TUBA3D: variants seen among roughly 807,000 people sequenced by gnomAD.
TUBA3D encodes tubulin alpha-3D chain.
A neutral mutation model predicts 36.1 loss-of-function variants in TUBA3D; 24 were observed. The ratio of observed to expected loss-of-function variants is 0.66; its 90% confidence interval spans 0.48 to 0.93. The LOEUF (loss-of-function observed/expected upper bound fraction) is 0.93. TUBA3D is among the 40% of genes least tolerant of loss of function. The pLI, the probability that TUBA3D is intolerant of heterozygous loss-of-function variation, is 0.00. For synonymous variants in TUBA3D, 185 were observed against 247.2 expected (o/e 0.75, Z 2.36); for missense variants, 356 against 614.5 (o/e 0.58, Z 4.45).
intron 4 of TUBA3D, among the ~76,000 whole-genome samples, chr2:131,481,819 G>A (rs1340012758): frequency 2.0e-5 from 3 of 152,204 alleles, no homozygotes; most frequent in African/African-American, 4.8e-5. Context: ...CTGCCCACCT[G>A]TCTCCCAAAG....
At chr2:131,482,298 G>A (rs1678889904) in intron 4 of TUBA3D, among the ~76,000 whole-genome samples, 1 of 152,190 alleles carries the variant, frequency 6.6e-6, no homozygotes, top group African/African-American at 2.4e-5. Context: ...CCTATCACAT[G>A]TCACAGGTAC....
intron 1 of TUBA3D, 90 bp from the exon 2 acceptor site, chr2:131,478,074 A>G: frequency 2.6e-6 from 4 of 1,513,604 alleles, no homozygotes; most frequent in Non-Finnish European, 3.6e-6. Context: ...CTGAAGCAGT[A>G]TATAAATATT....
intron 1 of TUBA3D, among the ~76,000 whole-genome samples, chr2:131,477,238 A>T (rs1445607049): frequency 6.6e-6 from 1 of 151,436 alleles, no homozygotes; most frequent in Non-Finnish European, 1.5e-5. Flanking sequence ...GGGACTCACT[A>T]TGTTACCCAG....
At chr2:131,478,416 T>C (rs1678745671) in intron 2 of TUBA3D, 30 bp downstream of exon 2, 1 of 1,579,928 alleles carries the variant, frequency 6.3e-7, no homozygotes, top group Admixed American at 1.7e-5. Context: ...ATGGCAGCTT[T>C]CCTGAGAGGG....
At chr2:131,477,037 C>CTTTTTTTTTT (rs1229461335) in intron 1 of TUBA3D, among the ~76,000 whole-genome samples, 36 of 108,684 alleles carry the variant, frequency 3.3e-4, no homozygotes, top group African/African-American at 2.4e-3. Flanking sequence ...CTTTTTCTTT[C>CTTTTTTTTTT]TTTTTTTTTT....
chr2:131,482,575 C>T lies in TUBA3D; in HGVS notation c.1080C>T (p.Pro360=), dbSNP rs748910733. The T allele has an allele frequency of 1.9e-6, 3 of 1,610,536 alleles. No homozygotes were observed. Among genetic ancestry groups the T allele is most frequent in the South Asian group, 1.1e-5 (1 of 90,760 alleles). ...GFKVGINYQP[P]TVVPGGDLAK... ...AGGTGGGCATTAACTACCAGCCCCC[C>T]ACAGTGGTCCCCGGGGGAGACCTGG... The change falls in exon 5 of 5, where the codon CCC becomes CCT. Residue 360 remains proline (P), a synonymous_variant. Coordinates refer to ENST00000321253, the MANE Select transcript of TUBA3D (RefSeq NM_080386.4).
intron 4 of TUBA3D, among the ~76,000 whole-genome samples, chr2:131,481,056 A>G (rs1559350768): frequency 6.6e-6 from 1 of 152,006 alleles, no homozygotes; most frequent in South Asian, 2.1e-4. Flanking sequence ...GGTACCCGCT[A>G]CCACGCCCGG....
chr2:131,479,429 C>T lies in TUBA3D; in HGVS notation c.348C>T (p.Asp116=). The T allele has an allele frequency of 3.7e-6, 6 of 1,614,132 alleles. No homozygotes were observed. The highest frequency in any genetic ancestry group is 5.1e-6 in the Non-Finnish European group (6 of 1,180,038). The change falls in exon 3 of 5, where the codon GAC becomes GAT. Residue 116 remains aspartate (D), a synonymous_variant. Transcript: ENST00000321253. ...ACACCATCGGCAAGGAGATTGTTGA[C>T]CTAGTCCTGGACCGGATCCGCAAAC... The part of the protein sequence containing the change: ...GHYTIGKEIV[D]LVLDRIRKLA...
chr2:131,481,649 G>T (rs1559351287), intron 4 of TUBA3D, among the ~76,000 whole-genome samples: 1 of 151,998 alleles, frequency 6.6e-6, no homozygotes, highest in Non-Finnish European at 1.5e-5. Flanking sequence ...TGGCCAGGCT[G>T]GTCTCGAACT....
chr2:131,478,687 G>A (rs1559347432), intron 2 of TUBA3D: 3 of 514,196 alleles, frequency 5.8e-6, no homozygotes, highest in Non-Finnish European at 3.4e-6. Flanking sequence ...GCAGGGTGCA[G>A]TGGCATTGGT....
intron 2 of TUBA3D, 54 bp from the exon 3 acceptor site, chr2:131,479,254 A>G (rs1367850120): frequency 6.9e-5 from 110 of 1,589,914 alleles, no homozygotes; most frequent in Non-Finnish European, 9.3e-5. Context: ...GAATGTGTCC[A>G]TCTTGGTGAG....
In TUBA3D at chr2:131,482,762, G is replaced by C. The variant is rs755407175; in HGVS notation, c.1267G>C (p.Glu423Gln). The part of the protein sequence containing the change: ...MEEGEFSEAR[E>Q]DLAALEKDYE... Reference sequence around the variant, plus strand: ...AGAGGGAGAGTTCTCTGAGGCCCGCGAGGACCTGGCAGCTCTAGAGAAGGA... The same window carrying C: ...AGAGGGAGAGTTCTCTGAGGCCCGCCAGGACCTGGCAGCTCTAGAGAAGGA... The change falls in exon 5 of 5, where the codon GAG becomes CAG. Residue 423 changes from glutamate (E) to glutamine (Q), a missense_variant. Physicochemically the swap from Glu to Gln is conservative, Grantham distance 29. Around this residue, in one of 3 missense-constraint regions of TUBA3D, gnomAD observed 156 missense variants for 219.8 expected, o/e 0.71. Transcript: ENST00000321253. The C allele has an allele frequency of 6.2e-7, 1 of 1,614,208 alleles. No homozygotes were observed. The highest frequency in any genetic ancestry group is 1.1e-5 in the South Asian group (1 of 91,088).
chr2:131,482,481 G>A (rs1411348539), intron 4 of TUBA3D, 71 bp from the exon 5 acceptor site: 1 of 1,535,380 alleles, frequency 6.5e-7, no homozygotes, highest in Non-Finnish European at 8.8e-7. Context: ...TCTTCTGTTT[G>A]AGGAAAAGTA....
At chr2:131,478,753 A>G (rs1371635461) in intron 2 of TUBA3D, 2 of 314,396 alleles carry the variant, frequency 6.4e-6, no homozygotes, top group East Asian at 1.4e-4. Context: ...CTTGACCTGC[A>G]TCTTAGGCAT....
rs1167376558 is a variant in TUBA3D at position 131,478,344 on chromosome 2, G to A, written c.184G>A (p.Val62Met). ...CAGTGAGACTGGAGCTGGCAAGCAC[G>A]TGCCCAGAGCAGTGTTTGTGGACCT... ...FFSETGAGKH[V>M]PRAVFVDLEP... Residue 62 changes from valine (V) to methionine (M), a missense_variant, in exon 2 of 5, where the codon GTG becomes ATG. By Grantham distance (21) the Val-to-Met change is conservative. Transcript: ENST00000321253. 6.2e-7 allele frequency: 1 copy of A among 1,613,960 alleles called. No homozygotes were observed. Among genetic ancestry groups the A allele is most frequent in the Non-Finnish European group, 8.5e-7 (1 of 1,179,854 alleles).
In TUBA3D at chr2:131,479,430, C is replaced by T. The variant is rs758034894; in HGVS notation, c.349C>T (p.Leu117=). The change falls in exon 3 of 5, where the codon CTA becomes TTA. Residue 117 remains leucine, a synonymous_variant. Coordinates refer to ENST00000321253, the MANE Select transcript of TUBA3D (RefSeq NM_080386.4). ...HYTIGKEIVD[L]VLDRIRKLAD... Reference sequence around the variant, plus strand: ...CACCATCGGCAAGGAGATTGTTGACCTAGTCCTGGACCGGATCCGCAAACT... The same window carrying T: ...CACCATCGGCAAGGAGATTGTTGACTTAGTCCTGGACCGGATCCGCAAACT... 127 of 1,614,036 alleles carry T rather than the reference C, an allele frequency of 7.9e-5. 4 individuals are homozygous for T. In the South Asian group the frequency reaches 1.4e-3, roughly 17 times the overall value.
chr2:131,478,152 T>C lies in TUBA3D; in HGVS notation c.4-12T>C. ...GAAATGAATGGGTTCACTTTTATGT[T>C]CCTGTTCACAGCGCGAGTGTATCTC... On this transcript the variant is annotated splice_polypyrimidine_tract_variant and intron_variant, in intron 1 of 4. Coordinates refer to ENST00000321253, the MANE Select transcript of TUBA3D (RefSeq NM_080386.4). 1 of 1,610,398 alleles carries C rather than the reference T, an allele frequency of 6.2e-7. No individual in the cohort carries two copies. Among genetic ancestry groups the C allele is most frequent in the Middle Eastern group, 1.7e-4 (1 of 6,048 alleles).
At chr2:131,477,507 G>A (rs1678713807) in intron 1 of TUBA3D, among the ~76,000 whole-genome samples, 1 of 151,958 alleles carries the variant, frequency 6.6e-6, no homozygotes, top group Non-Finnish European at 1.5e-5. Context: ...AGGGATTCAG[G>A]TCACCCACAG....
In TUBA3D at chr2:131,478,335, G is replaced by A. The variant is rs534432356; in HGVS notation, c.175G>A (p.Gly59Ser). ...CACGTTCTTCAGTGAGACTGGAGCT[G>A]GCAAGCACGTGCCCAGAGCAGTGTT... is the stretch of plus-strand genomic sequence containing the variant. ...FNTFFSETGA[G>S]KHVPRAVFVD... Residue 59 changes from glycine to serine, a missense_variant, in exon 2 of 5, where the codon GGC (glycine) becomes AGC (serine). Coordinates refer to ENST00000321253, the MANE Select transcript of TUBA3D (RefSeq NM_080386.4). 16 of 1,614,000 alleles carry A rather than the reference G, an allele frequency of 9.9e-6. No homozygotes were observed. The East Asian group carries it at 3.1e-4, about 31-fold the overall frequency.
Sources: allele counts gnomAD v4.1 joint callset (sites outside exome capture counted in the v4.1 genomes callset), GRCh38; gene constraint gnomAD v4.1.1; regional missense constraint gnomAD v4.1.1; transcripts MANE v1.5; gene names NCBI Gene and HGNC (gene_info 2026-07-23, HGNC 2026-07-21).